GPM6A: variants seen among roughly 807,000 people sequenced by gnomAD.
The protein encoded by GPM6A is neuronal membrane glycoprotein M6-a.
A neutral mutation model predicts 32.1 loss-of-function variants in GPM6A; 7 were observed. That is an observed-to-expected ratio of 0.22 (90% CI 0.12 to 0.41). The LOEUF (loss-of-function observed/expected upper bound fraction) is 0.41, where lower values mean the gene tolerates loss of function less well. GPM6A is among the 10% of genes least tolerant of loss of function. GPM6A has a pLI of 1.00. For missense variants in GPM6A, 235 were observed against 347.2 expected (o/e 0.68, Z 2.57); for synonymous variants, 130 against 123.4 (o/e 1.05, Z -0.35).
At chr4:175,725,150 T>G (rs1428394548) in intron 1 of GPM6A, among the ~76,000 whole-genome samples, 2 of 152,200 alleles carry the variant, frequency 1.3e-5, no homozygotes, top group Admixed American at 6.5e-5. Context: ...GCTCAATTAA[T>G]ATTTTATTTT....
chr4:175,923,888 T>G (rs1329021355), intron 1 of GPM6A, among the ~76,000 whole-genome samples: 1 of 152,126 alleles, frequency 6.6e-6, no homozygotes, highest in East Asian at 1.9e-4. Context: ...TCCTCATGGC[T>G]GGCATTGCCT....
chr4:175,772,366 A>T (rs1733225187), intron 1 of GPM6A, among the ~76,000 whole-genome samples: 1 of 152,198 alleles, frequency 6.6e-6, no homozygotes, highest in Non-Finnish European at 1.5e-5. Flanking sequence ...CTAGGGGGTT[A>T]GGAGGATGAA....
chr4:175,676,717 G>A (rs1481356323), intron 2 of GPM6A, among the ~76,000 whole-genome samples: 1 of 152,122 alleles, frequency 6.6e-6, no homozygotes, highest in African/African-American at 2.4e-5. Flanking sequence ...CTGCACTCCA[G>A]CCTGAGAAAC....
chr4:175,931,000 C>T (rs966869119), intron 1 of GPM6A, among the ~76,000 whole-genome samples: 1 of 152,044 alleles, frequency 6.6e-6, no homozygotes, highest in Non-Finnish European at 1.5e-5. Flanking sequence ...GTGCCAAATT[C>T]TTGAGACAGG....
At chr4:175,858,147 TA>T (rs1394481094) in intron 1 of GPM6A, among the ~76,000 whole-genome samples, 3 of 152,110 alleles carry the variant, frequency 2.0e-5, no homozygotes, top group African/African-American at 7.2e-5. Context: ...ATATGAATGG[TA>T]AATGAGCATA....
At chr4:175,721,920 A>C (rs985802365) in intron 1 of GPM6A, among the ~76,000 whole-genome samples, 6 of 152,188 alleles carry the variant, frequency 3.9e-5, no homozygotes, top group African/African-American at 9.6e-5. Flanking sequence ...AATGTATTCC[A>C]GTGATCTGTA....
At chr4:175,707,432 A>C (rs1384696347) in intron 1 of GPM6A, among the ~76,000 whole-genome samples, 1 of 152,200 alleles carries the variant, frequency 6.6e-6, no homozygotes, top group Non-Finnish European at 1.5e-5. Flanking sequence ...TTTTAAAAAC[A>C]GTTTGTCTGA....
At chr4:175,745,536 C>A (rs1237349975) in intron 1 of GPM6A, among the ~76,000 whole-genome samples, 1 of 152,172 alleles carries the variant, frequency 6.6e-6, no homozygotes, top group Non-Finnish European at 1.5e-5. Context: ...GAGAGCAAGT[C>A]CCTGCCTCAA....
chr4:175,702,463 T>C (rs1036027450), intron 1 of GPM6A, among the ~76,000 whole-genome samples: 2 of 152,226 alleles, frequency 1.3e-5, no homozygotes, highest in Non-Finnish European at 2.9e-5. Flanking sequence ...AACCAATTTT[T>C]CAGACAGTAA....
chr4:175,712,209 T>C (rs1217475243), intron 1 of GPM6A, among the ~76,000 whole-genome samples: 1 of 152,118 alleles, frequency 6.6e-6, no homozygotes, highest in Non-Finnish European at 1.5e-5. Flanking sequence ...ATAAAACGGT[T>C]TCCTAGAGTT....
Position 175,750,629 on chromosome 4 carries a change from G to T in GPM6A, c.38-48862C>A, listed in dbSNP as rs1379676593. ...GCTCTGTCGCCAAGGCTAGAGTGTG[G>T]TGGACCAATCTTGGCTCACTGCAAC... On this transcript the variant is annotated intron_variant, in intron 1 of 6. Transcript: ENST00000393658. Among the ~76,000 whole-genome samples, 4 of 149,062 alleles carry T rather than the reference G, an allele frequency of 2.7e-5. No homozygotes were observed. In the East Asian group the frequency reaches 7.8e-4, roughly 29 times the overall value.
intron 1 of GPM6A, chr4:175,787,379 T>C (rs1345383347): frequency 6.5e-7 from 1 of 1,535,272 alleles, no homozygotes; most frequent in South Asian, 1.2e-5. Context: ...GGCCGCTGGC[T>C]CCTTGTGAAC....
intron 1 of GPM6A, among the ~76,000 whole-genome samples, chr4:175,818,486 T>C (rs754064428): frequency 3.3e-5 from 5 of 152,250 alleles, no homozygotes; most frequent in Non-Finnish European, 5.9e-5. Flanking sequence ...TATATGTATC[T>C]TCCCCCCTGG....
chr4:175,647,703 A>G (rs760586780), intron 4 of GPM6A, among the ~76,000 whole-genome samples: 20 of 152,216 alleles, frequency 1.3e-4, no homozygotes, highest in Non-Finnish European at 2.5e-4. Context: ...AAGGGAAATT[A>G]AAGTATATTC....
intron 1 of GPM6A, among the ~76,000 whole-genome samples, chr4:175,992,542 T>A (rs1449513995): frequency 1.3e-5 from 2 of 152,158 alleles, no homozygotes; most frequent in Non-Finnish European, 2.9e-5. Context: ...TTTATAGGCA[T>A]CTAGAGCTGA....
At chr4:175,671,320 C>A (rs1743048976) in intron 3 of GPM6A, among the ~76,000 whole-genome samples, 1 of 150,620 alleles carries the variant, frequency 6.6e-6, no homozygotes, top group African/African-American at 2.4e-5. Flanking sequence ...AAAAAATCCA[C>A]CCTTTAGTAT....
At chr4:175,728,565 G>T (rs1273288376) in intron 1 of GPM6A, among the ~76,000 whole-genome samples, 3 of 152,124 alleles carry the variant, frequency 2.0e-5, no homozygotes, top group African/African-American at 7.2e-5. Context: ...GTGGTGCAGA[G>T]GTCTCAGTAC....
chr4:175,649,653 G>A (rs894414426), intron 4 of GPM6A, among the ~76,000 whole-genome samples: 5 of 152,098 alleles, frequency 3.3e-5, no homozygotes, highest in African/African-American at 7.2e-5. Flanking sequence ...AAGAGAATCC[G>A]ACCCTCATGT....
intron 3 of GPM6A, among the ~76,000 whole-genome samples, chr4:175,672,903 G>C (rs895037911): frequency 1.3e-5 from 2 of 152,064 alleles, no homozygotes; most frequent in Non-Finnish European, 2.9e-5. Context: ...TGGTAAACAG[G>C]CATTTTTGAA....
Sources: allele counts gnomAD v4.1 joint callset (sites outside exome capture counted in the v4.1 genomes callset), GRCh38; gene constraint gnomAD v4.1.1; transcripts MANE v1.5; gene names NCBI Gene and HGNC (gene_info 2026-07-23, HGNC 2026-07-21).